The following ELP1 variants were observed in gnomAD, a reference collection of about 807,000 sequenced individuals.
The protein encoded by ELP1 is elongator complex protein 1.
ELP1 carries 131 observed loss-of-function variants against 183.2 expected under a neutral mutation model. That is an observed-to-expected ratio of 0.72 (90% CI 0.62 to 0.83). The LOEUF (loss-of-function observed/expected upper bound fraction) is 0.83, where lower values mean the gene tolerates loss of function less well. Ranked by LOEUF, ELP1 falls within the 40% of genes least tolerant of loss-of-function variation. The pLI, the probability that ELP1 is intolerant of heterozygous loss-of-function variation, is 0.00. For missense variants in ELP1, 1,550 were observed against 1,594.9 expected (o/e 0.97, Z 0.48); for synonymous variants, 555 against 569.0 (o/e 0.98, Z 0.35).
chr9:108,874,973 G>A lies in ELP1; in HGVS notation c.3856-3C>T. 2.5e-6 allele frequency: 4 copies of A among 1,599,912 alleles called. No individual in the cohort carries two copies. The South Asian group carries it at 3.3e-5, about 13-fold the overall frequency. ...GCAGTAGAATTGGGACCTAGAACCT[G>A]AGGAGAAAATAGACTGTATCAGCAA... On this transcript the variant is annotated splice_polypyrimidine_tract_variant and splice_region_variant and intron_variant, in intron 35 of 36. Coordinates refer to ENST00000374647, the MANE Select transcript of ELP1 (RefSeq NM_003640.5).
chr9:108,921,705 G>A (rs905194188), intron 6 of ELP1, among the ~76,000 whole-genome samples: 3 of 152,098 alleles, frequency 2.0e-5, no homozygotes, highest in African/African-American at 7.2e-5. Flanking sequence ...CTTACTCCAT[G>A]TTTCTGCCCT....
rs1829898173 is a variant in ELP1, at chr9:108,928,703, GATAA to G, written c.303+1062_303+1065del. 4.0e-5 allele frequency among the ~76,000 whole-genome samples: 6 copies of G among 151,856 alleles called. No homozygotes were observed. In the South Asian group the frequency reaches 1.2e-3, roughly 32 times the overall value. On this transcript the variant is annotated intron_variant, in intron 3 of 36. Coordinates refer to ENST00000374647, the MANE Select transcript of ELP1 (RefSeq NM_003640.5). Reference sequence around the variant, plus strand: ...GGCAGAATCAGCACCATTAAATGAAGATAAATAGACTGGAAGAGCTCAGTAACCA... The same window carrying G: ...GGCAGAATCAGCACCATTAAATGAAGATAGACTGGAAGAGCTCAGTAACCA...
chr9:108,883,465 C>G (rs1828004206), intron 29 of ELP1, among the ~76,000 whole-genome samples: 3 of 152,026 alleles, frequency 2.0e-5, no homozygotes, highest in African/African-American at 7.2e-5. Flanking sequence ...CTGTGCCCAG[C>G]CTTCAAGAGT....
intron 30 of ELP1, 124 bp from the exon 31 acceptor site, chr9:108,881,889 C>T (rs557217062): frequency 4.3e-5 from 31 of 721,836 alleles, no homozygotes; most frequent in Non-Finnish European, 7.3e-5. Context: ...AACAGGCCTC[C>T]TACAAGGCAG....
chr9:108,898,764 A>G lies in ELP1; in HGVS notation c.2205-15T>C. 6.4e-7 allele frequency: 1 copy of G among 1,570,858 alleles called. No homozygotes were observed. The highest frequency in any genetic ancestry group is 1.1e-5 in the South Asian group (1 of 90,246). ...TAAACATAAGTCTGTGAGAAGACAGAGAAAGAATAGAAAAGATATTCACAA... is the reference window on the plus strand; with the variant it reads ...TAAACATAAGTCTGTGAGAAGACAGGGAAAGAATAGAAAAGATATTCACAA... On this transcript the variant is annotated splice_polypyrimidine_tract_variant and intron_variant, in intron 20 of 36. Transcript: ENST00000374647.
At chr9:108,917,467 C>CAAA (rs34189987) in intron 9 of ELP1, 80 bp downstream of exon 9, 390 of 1,200,678 alleles carry the variant, frequency 3.2e-4, no homozygotes, top group African/African-American at 7.7e-4. Context: ...AACTCCATCT[C>CAAA]AAAAAAAAAA....
In ELP1 at chr9:108,901,676, A is replaced by G. The variant is rs769936175; in HGVS notation, c.1860T>C (p.Cys620=). 2.6e-5 allele frequency: 42 copies of G among 1,613,990 alleles called. No homozygotes were observed. The highest frequency in any genetic ancestry group is 8.3e-5 in the Admixed American group (5 of 60,000). The stretch of plus-strand genomic sequence containing the variant: ...GACACCTGTCAGTCAGACCAAGGAC[A>G]CATTCCTGCAAAGAAATAAAACTGA... ...TELAMIGEEE[C]VLGLTDRCRF... Residue 620 remains cysteine (C), a synonymous_variant, in exon 17 of 37, where the codon TGT becomes TGC. Transcript: ENST00000374647.
chr9:108,874,784 G>A, intron 36 of ELP1, 111 bp downstream of exon 36: 1 of 776,824 alleles, frequency 1.3e-6, no homozygotes, highest in Non-Finnish European at 2.3e-6. Flanking sequence ...TCAATTTTTT[G>A]TAGTGAAAAA....
In ELP1 at chr9:108,891,378, G is replaced by A. The variant is rs929485810; in HGVS notation, c.2985C>T (p.His995=). Residue 995 remains histidine, a synonymous_variant, in exon 28 of 37, where the codon CAC becomes CAT. Coordinates refer to ENST00000374647, the MANE Select transcript of ELP1 (RefSeq NM_003640.5). ...GCTCATACATGTGCTCCTGCATCAG[G>A]TGCTCCCCATAAGCAATGCTGATAT... ...YQDISIAYGE[H]LMQEHMYEPA... is the part of the protein sequence containing the mutation. 1.2e-6 allele frequency: 2 copies of A among 1,613,866 alleles called. No individual in the cohort carries two copies. Among genetic ancestry groups the A allele is most frequent in the Non-Finnish European group, 1.7e-6 (2 of 1,180,024 alleles).
At chr9:108,904,059 A>G (rs1828924680) in intron 14 of ELP1, among the ~76,000 whole-genome samples, 1 of 152,170 alleles carries the variant, frequency 6.6e-6, no homozygotes, top group Admixed American at 6.5e-5. Context: ...GATGGTACCA[A>G]TATCATTTCT....
At chr9:108,912,562 G>T in intron 10 of ELP1, 68 bp from the exon 11 acceptor site, 2 of 1,091,676 alleles carry the variant, frequency 1.8e-6, no homozygotes, top group Non-Finnish European at 2.8e-6. Flanking sequence ...TTGCCAGAGG[G>T]GTTCAAGGGC....
At chr9:108,877,284 C>T (rs1320145187) in intron 35 of ELP1, among the ~76,000 whole-genome samples, 1 of 152,212 alleles carries the variant, frequency 6.6e-6, no homozygotes, top group African/African-American at 2.4e-5. Context: ...TGTCCTTCCT[C>T]TGTATTTCCC....
At position 108,868,739 on chromosome 9, in the gene ELP1, C is replaced by T. The variant is rs1019243789; in HGVS notation, c.*376G>A. The T allele has an allele frequency of 7.3e-6, 4 of 551,672 alleles. No individual in the cohort carries two copies. The highest frequency in any genetic ancestry group is 3.3e-5 in the Admixed American group (1 of 30,204). The allele number at this position is 551,672 out of a possible 1,614,324, so 34.2% of individuals were successfully genotyped here. On this transcript the variant is annotated 3_prime_UTR_variant, in exon 37 of 37. Transcript: ENST00000374647. The stretch of plus-strand genomic sequence containing the variant: ...TAGCACTAATAGCCATTGTAATCTT[C>T]TCCGCCAACAAAATAAGACAATTTA...
intron 27 of ELP1, among the ~76,000 whole-genome samples, chr9:108,891,942 C>A (rs1828354171): frequency 6.6e-6 from 1 of 152,134 alleles, no homozygotes; most frequent in African/African-American, 2.4e-5. Flanking sequence ...TGAGGAGTAA[C>A]AGGACGGCCA....
chr9:108,874,079 C>A (rs1033974461), intron 36 of ELP1, among the ~76,000 whole-genome samples: 2 of 152,094 alleles, frequency 1.3e-5, no homozygotes, highest in African/African-American at 4.8e-5. Flanking sequence ...CAGGCTACTT[C>A]AAATGTCATC....
At chr9:108,905,888 C>T (rs1006944691) in intron 14 of ELP1, among the ~76,000 whole-genome samples, 12 of 150,854 alleles carry the variant, frequency 8.0e-5, no homozygotes, top group African/African-American at 2.9e-4. Context: ...CACACACACA[C>T]ACACACACAC....
At chr9:108,881,363 T>C (rs1827924025) in intron 31 of ELP1, among the ~76,000 whole-genome samples, 1 of 152,228 alleles carries the variant, frequency 6.6e-6, no homozygotes, top group Non-Finnish European at 1.5e-5. Flanking sequence ...AATAATAGGA[T>C]ATTATCTTAT....
rs188357629 is a variant in ELP1, at chr9:108,900,209, C to G, written c.2130+51G>C. On this transcript the variant is annotated intron_variant, in intron 19 of 36. Transcript: ENST00000374647. ...CAACCTGCAAGAATTATGCTTGGTACTTGGCTGAATGACAATCAGACTATC... is the reference window on the plus strand; with the variant it reads ...CAACCTGCAAGAATTATGCTTGGTAGTTGGCTGAATGACAATCAGACTATC... 4.8e-6 allele frequency: 6 copies of G among 1,261,692 alleles called. No homozygotes were observed. The Admixed American group carries it at 8.4e-5, about 18-fold the overall frequency. 78.2% of individuals were successfully genotyped at this position (1,261,692 alleles called of 1,614,324 possible).
chr9:108,903,465 G>T, intron 15 of ELP1, 98 bp downstream of exon 15: 1 of 881,486 alleles, frequency 1.1e-6, no homozygotes. Flanking sequence ...TAAAAGACCT[G>T]ACAATCAATA....
Sources: allele counts gnomAD v4.1 joint callset (sites outside exome capture counted in the v4.1 genomes callset), GRCh38; gene constraint gnomAD v4.1.1; transcripts MANE v1.5; gene names NCBI Gene and HGNC (gene_info 2026-07-23, HGNC 2026-07-21).